The following NCKAP5 variants were observed in gnomAD, a reference collection of about 807,000 sequenced individuals.
NCKAP5 encodes NCK associated protein 5.
NCKAP5 carries 92 observed loss-of-function variants against 167.0 expected under a neutral mutation model. That is an observed-to-expected ratio of 0.55 (90% CI 0.47 to 0.66). The LOEUF (loss-of-function observed/expected upper bound fraction) is 0.66. NCKAP5 is among the 30% of genes least tolerant of loss of function. The probability of loss-of-function intolerance (pLI) is 0.00; values close to 1 mark genes in which losing one functional copy is unlikely to be tolerated. For missense variants in NCKAP5, 2,378 were observed against 2,315.0 expected (o/e 1.03, Z -0.56); for synonymous variants, 891 against 877.4 (o/e 1.02, Z -0.27).
At chr2:132,978,014 CT>C (rs1339728976) in intron 7 of NCKAP5, among the ~76,000 whole-genome samples, 6 of 152,112 alleles carry the variant, frequency 3.9e-5, no homozygotes, top group Non-Finnish European at 7.3e-5. Flanking sequence ...CAAAGAGCTA[CT>C]TGGCGAAGAC....
chr2:132,782,507 C>A lies in NCKAP5; in HGVS notation c.4304G>T (p.Ser1435Ile). ...LQSPGRTQHP[S>I]TFETSSTSKL... ...GGATGTACTGCTTGTTTCAAAAGTG[C>A]TTGGATGCTGAGTCCTCCCTGGGCT... Residue 1435 changes from serine (S) to isoleucine (I), a missense_variant, in exon 14 of 20, where the codon AGC becomes ATC. Around this residue, in one of 3 missense-constraint regions of NCKAP5, gnomAD observed 1,325 missense variants for 1,274.5 expected, o/e 1.04. Transcript: ENST00000409261. 1 of 1,605,468 alleles carries A rather than the reference C, an allele frequency of 6.2e-7. No individual in the cohort carries two copies. The highest frequency in any genetic ancestry group is 8.5e-7 in the Non-Finnish European group (1 of 1,176,160).
chr2:132,673,444 T>C (rs1684000210), intron 19 of NCKAP5, 139 bp from the exon 20 acceptor site: 2 of 643,294 alleles, frequency 3.1e-6, no homozygotes, highest in East Asian at 6.8e-5. Context: ...AATCTTCTAG[T>C]ATAATTAGAT....
At chr2:133,604,921 T>G in the NCKAP5 span, among the ~76,000 whole-genome samples, 1 of 152,182 alleles carries the variant, frequency 6.6e-6, no homozygotes, top group African/African-American at 2.4e-5. Flanking sequence ...GCACTGATCA[T>G]GGCCCCGTCT....
At chr2:133,459,650 C>G (rs1424479742) in intron 3 of NCKAP5, among the ~76,000 whole-genome samples, 1 of 152,134 alleles carries the variant, frequency 6.6e-6, no homozygotes, top group Non-Finnish European at 1.5e-5. Context: ...CTGGGATCCT[C>G]AAAAACTGCA....
intron 3 of NCKAP5, among the ~76,000 whole-genome samples, chr2:133,375,406 C>A (rs1686075330): frequency 6.6e-6 from 1 of 152,048 alleles, no homozygotes; most frequent in Non-Finnish European, 1.5e-5. Context: ...GGATAATAAC[C>A]CAAACTGGAT....
At chr2:133,358,784 C>A (rs947640389) in intron 3 of NCKAP5, among the ~76,000 whole-genome samples, 1 of 152,170 alleles carries the variant, frequency 6.6e-6, no homozygotes, top group Admixed American at 6.5e-5. Context: ...AGCCATATGG[C>A]TAACACTGAC....
At chr2:132,789,708 A>G (rs1325557893) in intron 13 of NCKAP5, among the ~76,000 whole-genome samples, 1 of 152,200 alleles carries the variant, frequency 6.6e-6, no homozygotes, top group Non-Finnish European at 1.5e-5. Flanking sequence ...CACTGTGCAG[A>G]TGGGAGTCAT....
At chr2:133,102,790 C>G (rs981177745) in intron 6 of NCKAP5, among the ~76,000 whole-genome samples, 1 of 147,926 alleles carries the variant, frequency 6.8e-6, no homozygotes, top group African/African-American at 2.6e-5. Flanking sequence ...CACACACACA[C>G]TGTACATAAA....
chr2:132,975,808 T>G (rs1255102783), intron 7 of NCKAP5, among the ~76,000 whole-genome samples: 1 of 152,056 alleles, frequency 6.6e-6, no homozygotes, highest in Non-Finnish European at 1.5e-5. Flanking sequence ...ACCTCATAAC[T>G]TAAGGTTGAA....
At chr2:132,872,120 G>T (rs1210839889) in intron 9 of NCKAP5, among the ~76,000 whole-genome samples, 1 of 152,236 alleles carries the variant, frequency 6.6e-6, no homozygotes. Flanking sequence ...GTGCTAGGCT[G>T]CAAGGGACTT....
chr2:133,227,071 T>C (rs985195432), intron 4 of NCKAP5, among the ~76,000 whole-genome samples: 2 of 152,154 alleles, frequency 1.3e-5, no homozygotes. Flanking sequence ...ATAGAGGAAA[T>C]GGCAGTCACA....
At chr2:133,092,803 C>T (rs938489488) in intron 6 of NCKAP5, among the ~76,000 whole-genome samples, 1 of 152,106 alleles carries the variant, frequency 6.6e-6, no homozygotes. Flanking sequence ...CTGAGATTTG[C>T]CTTAGTAACA....
At chr2:133,470,832 C>T (rs866840338) in intron 3 of NCKAP5, among the ~76,000 whole-genome samples, 4 of 152,246 alleles carry the variant, frequency 2.6e-5, no homozygotes, top group African/African-American at 7.2e-5. Context: ...TGACCCCTTG[C>T]GCTTCCCAAG....
chr2:133,477,215 A>G (rs1329329612), intron 3 of NCKAP5, among the ~76,000 whole-genome samples: 6 of 152,236 alleles, frequency 3.9e-5, no homozygotes, highest in African/African-American at 1.4e-4. Context: ...AGTGAGGAAC[A>G]TTGACCTTGA....
chr2:132,750,787 G>T (rs1680044122), intron 16 of NCKAP5, among the ~76,000 whole-genome samples: 1 of 152,176 alleles, frequency 6.6e-6, no homozygotes, highest in Non-Finnish European at 1.5e-5. Context: ...GAGAGCTTCA[G>T]GATAAAAGGC....
intron 6 of NCKAP5, among the ~76,000 whole-genome samples, chr2:133,087,821 C>A (rs1423994728): frequency 2.6e-5 from 4 of 152,210 alleles, no homozygotes; most frequent in African/African-American, 9.6e-5. Flanking sequence ...CTAGCCAAGT[C>A]ATTCCTTCAC....
chr2:133,297,798 G>C (rs1680073691), intron 4 of NCKAP5, among the ~76,000 whole-genome samples: 1 of 152,142 alleles, frequency 6.6e-6, no homozygotes, highest in South Asian at 2.1e-4. Context: ...GTTAGCTCCA[G>C]TATAAATGGA....
At chr2:133,491,123 T>A (rs1452404163) in intron 3 of NCKAP5, among the ~76,000 whole-genome samples, 1 of 152,228 alleles carries the variant, frequency 6.6e-6, no homozygotes, top group African/African-American at 2.4e-5. Flanking sequence ...TCAATAGTCA[T>A]CAATTCATTC....
At chr2:133,624,205 C>T in the NCKAP5 span, among the ~76,000 whole-genome samples, 1 of 152,000 alleles carries the variant, frequency 6.6e-6, no homozygotes, top group African/African-American at 2.4e-5. Flanking sequence ...GATGGGCGCA[C>T]CAAAATCTTA....
Sources: allele counts gnomAD v4.1 joint callset (sites outside exome capture counted in the v4.1 genomes callset), GRCh38; gene constraint gnomAD v4.1.1; regional missense constraint gnomAD v4.1.1; transcripts MANE v1.5; gene names NCBI Gene and HGNC (gene_info 2026-07-23, HGNC 2026-07-21).